COL5A2: variants seen among roughly 807,000 people sequenced by gnomAD.
COL5A2 encodes collagen alpha-2(V) chain.
A neutral mutation model predicts 208.2 loss-of-function variants in COL5A2; 23 were observed. That is an observed-to-expected ratio of 0.11 (90% confidence interval 0.08 to 0.16). The LOEUF is 0.16. Ranked by LOEUF, COL5A2 falls within the 10% of genes least tolerant of loss-of-function variation. The pLI is 1.00. For missense variants in COL5A2, 1,590 were observed against 1,956.4 expected, an observed-to-expected ratio of 0.81 and a Z score of 3.53; for synonymous variants, 625 against 628.5, an observed-to-expected ratio of 0.99 and a Z score of 0.08.
In COL5A2 at chr2:189,033,549, G is replaced by A. The variant is rs1341980623; in HGVS notation, c.*521C>T. On this transcript the variant is annotated 3_prime_UTR_variant, in exon 54 of 54. Coordinates refer to ENST00000374866, the MANE Select transcript of COL5A2 (RefSeq NM_000393.5). ...TACACAATATCAAGACATGCATGTA[G>A]GTCTCGATCACAAGTTAAACATTTT... 1 of 168,330 alleles carries A rather than the reference G, an allele frequency of 5.9e-6. No individual in the cohort carries two copies. The highest frequency in any genetic ancestry group is 5.6e-5 in the Admixed American group (1 of 17,760). 10.4% of individuals were successfully genotyped at this position (168,330 alleles called of 1,614,324 possible).
chr2:189,220,544 T>C (rs982101590), intron 1 of COL5A2, among the ~76,000 whole-genome samples: 2 of 152,022 alleles, frequency 1.3e-5, no homozygotes, highest in Admixed American at 1.3e-4. Flanking sequence ...TTAGCCAATA[T>C]AAAAAGAAAA....
At chr2:189,402,190 T>C in the COL5A2 span, among the ~76,000 whole-genome samples, 2 of 152,130 alleles carry the variant, frequency 1.3e-5, no homozygotes, top group African/African-American at 4.8e-5. Flanking sequence ...AAGGTTTTTA[T>C]AGTTTTAGGT....
At chr2:189,064,921 C>T (rs1686114629) in intron 24 of COL5A2, 83 bp downstream of exon 24, 5 of 1,309,390 alleles carry the variant, frequency 3.8e-6, no homozygotes, top group Admixed American at 1.8e-5. Context: ...CCCATGCAGG[C>T]CATAGCTAGA....
the COL5A2 span, among the ~76,000 whole-genome samples, chr2:189,413,458 C>T: frequency 1.3e-5 from 2 of 152,076 alleles, no homozygotes; most frequent in East Asian, 1.9e-4. Flanking sequence ...AAAAGGATGA[C>T]GACTGGGCCC....
intron 1 of COL5A2, among the ~76,000 whole-genome samples, chr2:189,178,852 C>T (rs1688730823): frequency 6.6e-6 from 1 of 152,072 alleles, no homozygotes; most frequent in Non-Finnish European, 1.5e-5. Context: ...TTAATCAAGC[C>T]AGTAGGGTGG....
the COL5A2 span, among the ~76,000 whole-genome samples, chr2:189,319,037 G>A: frequency 6.6e-6 from 1 of 152,056 alleles, no homozygotes; most frequent in Non-Finnish European, 1.5e-5. Context: ...CATAACAGCT[G>A]CCAGGGATGT....
chr2:189,164,362 T>G (rs952017747), intron 1 of COL5A2, among the ~76,000 whole-genome samples: 4 of 152,308 alleles, frequency 2.6e-5, no homozygotes, highest in African/African-American at 9.6e-5. Flanking sequence ...TTTGTTTTTC[T>G]ATCTGTTCTG....
chr2:189,413,002 G>C, the COL5A2 span, among the ~76,000 whole-genome samples: 1 of 152,186 alleles, frequency 6.6e-6, no homozygotes, highest in East Asian at 1.9e-4. Context: ...TAGATAGATA[G>C]TATGAAAGCA....
chr2:189,058,973 C>G (rs981044073), intron 31 of COL5A2, 80 bp from the exon 32 acceptor site: 7 of 1,143,196 alleles, frequency 6.1e-6, no homozygotes, highest in Non-Finnish European at 7.9e-6. Context: ...AGTTCATACA[C>G]CTAGTTTCTA....
At chr2:189,289,704 A>G in the COL5A2 span, among the ~76,000 whole-genome samples, 1 of 152,218 alleles carries the variant, frequency 6.6e-6, no homozygotes, top group Admixed American at 6.5e-5. Flanking sequence ...CAAAATAAAC[A>G]TAAACATATT....
At chr2:189,247,583 CTTT>C in the COL5A2 span, among the ~76,000 whole-genome samples, 2 of 140,092 alleles carry the variant, frequency 1.4e-5, no homozygotes, top group Non-Finnish European at 1.6e-5. Context: ...AAAAAAATTT[CTTT>C]TTTTTTTTTT....
chr2:189,076,199 C>T (rs995554633), intron 16 of COL5A2, among the ~76,000 whole-genome samples: 4 of 152,172 alleles, frequency 2.6e-5, no homozygotes, highest in African/African-American at 9.7e-5. Flanking sequence ...ATTTCCTGTA[C>T]TGTATACAAG....
upstream of COL5A2, among the ~76,000 whole-genome samples, chr2:189,226,774 C>T (rs575138517): frequency 2.0e-4 from 30 of 152,232 alleles, no homozygotes; most frequent in African/African-American, 7.0e-4. Context: ...ACATGTCCAA[C>T]AGTCCAGCTT....
At chr2:189,089,460 C>A (rs1686735707) in intron 7 of COL5A2, among the ~76,000 whole-genome samples, 1 of 152,138 alleles carries the variant, frequency 6.6e-6, no homozygotes, top group Non-Finnish European at 1.5e-5. Flanking sequence ...AATAAATTGG[C>A]AATTTATTCT....
At chr2:189,350,832 C>T in the COL5A2 span, among the ~76,000 whole-genome samples, 2 of 152,194 alleles carry the variant, frequency 1.3e-5, no homozygotes, top group African/African-American at 4.8e-5. Context: ...ATTACATCTC[C>T]ATGTCAACAC....
the COL5A2 span, among the ~76,000 whole-genome samples, chr2:189,260,265 A>G: frequency 3.9e-5 from 6 of 152,300 alleles, no homozygotes; most frequent in Non-Finnish European, 8.8e-5. Context: ...ACAGACTTCA[A>G]TTCAAAACCT....
the COL5A2 span, among the ~76,000 whole-genome samples, chr2:189,407,106 A>G: frequency 1.3e-5 from 2 of 152,266 alleles, no homozygotes; most frequent in East Asian, 3.9e-4. Flanking sequence ...GCTGTATCTC[A>G]GAAGGTGTTT....
intron 40 of COL5A2, 116 bp downstream of exon 40, chr2:189,052,633 T>C (rs1559080531): frequency 9.8e-7 from 1 of 1,024,280 alleles, no homozygotes; most frequent in Non-Finnish European, 1.5e-6. Flanking sequence ...GTACAGTTGA[T>C]ACAGGTAATA....
intron 1 of COL5A2, among the ~76,000 whole-genome samples, chr2:189,207,107 T>C (rs1689152354): frequency 6.6e-6 from 1 of 152,214 alleles, no homozygotes; most frequent in Non-Finnish European, 1.5e-5. Flanking sequence ...TGAAGTAAAC[T>C]AGTAATACCA....
Sources: allele counts gnomAD v4.1 joint callset (sites outside exome capture counted in the v4.1 genomes callset), GRCh38; gene constraint gnomAD v4.1.1; transcripts MANE v1.5; gene names NCBI Gene and HGNC (gene_info 2026-07-23, HGNC 2026-07-21).